PHACTR1: variants seen among roughly 807,000 people sequenced by gnomAD.
The protein encoded by PHACTR1 is phosphatase and actin regulator 1, also known as RPEL repeat containing 1.
PHACTR1 carries 16 observed loss-of-function variants against 69.2 expected under a neutral mutation model. The observed-to-expected ratio is 0.23, with a 90% CI of 0.16 to 0.35. The LOEUF is 0.35. Among genes scored for constraint, PHACTR1 ranks in the 10% least tolerant of loss-of-function variants. The pLI, the probability that PHACTR1 is intolerant of heterozygous loss-of-function variation, is 1.00. For synonymous variants in PHACTR1, 312 were observed against 284.5 expected (o/e 1.10, Z -0.97); for missense variants, 510 against 734.7 (o/e 0.69, Z 3.54).
chr6:12,887,924 T>A (rs1352246802), intron 4 of PHACTR1, among the ~76,000 whole-genome samples: 2 of 149,086 alleles, frequency 1.3e-5, no homozygotes, highest in African/African-American at 5.1e-5. Flanking sequence ...AAAAAAAAAA[T>A]TAGCCGGGCA....
At chr6:12,936,137 A>T (rs1789423149) in intron 4 of PHACTR1, among the ~76,000 whole-genome samples, 1 of 152,048 alleles carries the variant, frequency 6.6e-6, no homozygotes, top group Non-Finnish European at 1.5e-5. Context: ...CACCAAAACA[A>T]ACAAAATCCA....
At chr6:12,775,868 C>A (rs769404630) in intron 4 of PHACTR1, among the ~76,000 whole-genome samples, 71 of 152,112 alleles carry the variant, frequency 4.7e-4, no homozygotes, top group Non-Finnish European at 8.2e-4. Flanking sequence ...AGAAACCATT[C>A]ATTAATTATA....
intron 4 of PHACTR1, among the ~76,000 whole-genome samples, chr6:12,883,768 C>T (rs922099052): frequency 6.6e-6 from 1 of 152,126 alleles, no homozygotes; most frequent in African/African-American, 2.4e-5. Flanking sequence ...GTGCTCACAT[C>T]CCGTTCTTTA....
At chr6:12,953,360 C>A (rs192721229) in intron 4 of PHACTR1, among the ~76,000 whole-genome samples, 2 of 152,200 alleles carry the variant, frequency 1.3e-5, no homozygotes, top group Admixed American at 1.3e-4. Flanking sequence ...ATCAAAGCTA[C>A]AATATTCTCA....
chr6:13,107,647 T>C (rs1444412068), intron 5 of PHACTR1, among the ~76,000 whole-genome samples: 1 of 152,172 alleles, frequency 6.6e-6, no homozygotes, highest in African/African-American at 2.4e-5. Context: ...TTGAGTTTAT[T>C]AACCAAAAGT....
chr6:12,778,815 G>T (rs1200124625), intron 4 of PHACTR1, among the ~76,000 whole-genome samples: 1 of 152,146 alleles, frequency 6.6e-6, no homozygotes, highest in Middle Eastern at 3.2e-3. Flanking sequence ...CTTAAATGCA[G>T]TTTGATTTTT....
At chr6:13,261,579 C>G (rs963439347) in intron 10 of PHACTR1, among the ~76,000 whole-genome samples, 2 of 152,202 alleles carry the variant, frequency 1.3e-5, no homozygotes, top group African/African-American at 4.8e-5. Flanking sequence ...GTTCTGTGCA[C>G]CTGCTCAGAT....
Position 13,275,470 on chromosome 6 carries a change from GA to G in PHACTR1, c.1447+2558del, listed in dbSNP as rs1358775069. ...GGCCCCACCCCTCAGAGTGACCTAAGAAACGCACATAGGAGATGAAGGCTCC... is the reference window on the plus strand; with the variant it reads ...GGCCCCACCCCTCAGAGTGACCTAAGAACGCACATAGGAGATGAAGGCTCC... On this transcript the variant is annotated intron_variant, in intron 11 of 14. Coordinates refer to ENST00000332995, the MANE Select transcript of PHACTR1 (RefSeq NM_030948.6). This position sits in a 1 kb window ranked among gnomAD's most constrained non-coding sequence, Gnocchi z 4.0. 6.6e-6 allele frequency: 1 copy of G among 152,212 alleles called. No individual in the cohort carries two copies. Among genetic ancestry groups the G allele is most frequent in the African/African-American group, 2.4e-5 (1 of 41,440 alleles). 9.4% of individuals were successfully genotyped at this position (152,212 alleles called of 1,614,324 possible).
At chr6:12,948,701 A>G (rs1387052389) in intron 4 of PHACTR1, among the ~76,000 whole-genome samples, 1 of 152,176 alleles carries the variant, frequency 6.6e-6, no homozygotes, top group Non-Finnish European at 1.5e-5. Context: ...TTCCTCTAGG[A>G]AGAGGTAATT....
At chr6:12,757,995 C>T (rs979215882) in intron 4 of PHACTR1, among the ~76,000 whole-genome samples, 1 of 152,072 alleles carries the variant, frequency 6.6e-6, no homozygotes, top group African/African-American at 2.4e-5. Context: ...ACCTGCAGTC[C>T]CAGCTCCTCT....
At chr6:12,744,926 TATA>T (rs1248468078) in intron 3 of PHACTR1, among the ~76,000 whole-genome samples, 1 of 152,090 alleles carries the variant, frequency 6.6e-6, no homozygotes, top group Non-Finnish European at 1.5e-5. Flanking sequence ...GGACCTCCAG[TATA>T]ATGTTAAATA....
intron 5 of PHACTR1, among the ~76,000 whole-genome samples, chr6:13,096,376 A>G (rs1228998524): frequency 1.3e-5 from 2 of 152,194 alleles, no homozygotes; most frequent in South Asian, 2.1e-4. Flanking sequence ...AGATCTTTCA[A>G]ATACACAGGC....
intron 4 of PHACTR1, among the ~76,000 whole-genome samples, chr6:13,033,975 T>A (rs894037046): frequency 1.3e-5 from 2 of 152,168 alleles, no homozygotes; most frequent in Non-Finnish European, 2.9e-5. Context: ...TGAGTGTGTG[T>A]CCCACAATAT....
rs1772852089 is a variant in PHACTR1, at chr6:12,795,397, T to C, written c.250+45607T>C. On this transcript the variant is annotated intron_variant, in intron 4 of 14. Coordinates refer to ENST00000332995, the MANE Select transcript of PHACTR1 (RefSeq NM_030948.6). The stretch of plus-strand genomic sequence containing the variant: ...ACCATTATCTTGCATTTCATTTTTT[T>C]TAACCTTTCCAGGAAACTCATTAAT... Among the ~76,000 whole-genome samples the C allele has an allele frequency of 3.9e-5, 6 of 152,346 alleles. No homozygotes were observed. The South Asian group carries it at 1.0e-3, about 26-fold the overall frequency.
At chr6:13,132,648 T>A (rs1820644214) in intron 5 of PHACTR1, among the ~76,000 whole-genome samples, 1 of 152,048 alleles carries the variant, frequency 6.6e-6, no homozygotes, top group Admixed American at 6.5e-5. Context: ...ATGTAACAGT[T>A]ATGTTTATGC....
At chr6:13,075,712 T>A (rs1286153489) in intron 5 of PHACTR1, among the ~76,000 whole-genome samples, 1 of 152,192 alleles carries the variant, frequency 6.6e-6, no homozygotes, top group African/African-American at 2.4e-5. Context: ...CTTCCAGGCA[T>A]GCTGAATGTC....
intron 4 of PHACTR1, among the ~76,000 whole-genome samples, chr6:12,837,943 G>T (rs1329751719): frequency 6.6e-6 from 1 of 152,190 alleles, no homozygotes; most frequent in Non-Finnish European, 1.5e-5. Context: ...GTTGGCCAGG[G>T]CTACATTCTC....
chr6:12,948,202 T>C (rs567054978), intron 4 of PHACTR1, among the ~76,000 whole-genome samples: 2 of 152,344 alleles, frequency 1.3e-5, no homozygotes, highest in East Asian at 3.9e-4. Context: ...TGAAAACACC[T>C]AGTGTCAAGT....
At chr6:12,800,142 CATA>C (rs1338591688) in intron 4 of PHACTR1, among the ~76,000 whole-genome samples, 1 of 152,134 alleles carries the variant, frequency 6.6e-6, no homozygotes, top group Non-Finnish European at 1.5e-5. Context: ...ATAGAACAGT[CATA>C]TAAGCAAGAA....
Sources: gnomAD v4.1 joint callset for allele counts (sites outside exome capture counted in the v4.1 genomes callset) on GRCh38, gnomAD v4.1.1 for gene constraint, Gnocchi (gnomAD v3.1) non-coding constraint, MANE v1.5 for transcripts, NCBI Gene and HGNC (gene_info 2026-07-23, HGNC 2026-07-21) for gene names.